The following UGT8 variants were observed in gnomAD, a reference collection of about 807,000 sequenced individuals.
The protein encoded by UGT8 is UDP glycosyltransferase 8.
In UGT8, 12 loss-of-function variants were observed where a neutral mutation model predicts 40.5. That is an observed-to-expected ratio of 0.30 (90% CI 0.19 to 0.48). UGT8 has a LOEUF of 0.48. UGT8 is among the 20% of genes least tolerant of loss of function. The pLI is 0.99. For synonymous variants in UGT8, 224 were observed against 240.4 expected (o/e 0.93, Z 0.63); for missense variants, 513 against 648.7 (o/e 0.79, Z 2.27).
At chr4:114,631,554 T>A (rs1402736248) in intron 2 of UGT8, among the ~76,000 whole-genome samples, 1 of 152,218 alleles carries the variant, frequency 6.6e-6, no homozygotes, top group Non-Finnish European at 1.5e-5. Context: ...CAGTATTGTA[T>A]TCTCTTTCAG....
chr4:114,636,631 TA>T (rs1447514828), intron 2 of UGT8, among the ~76,000 whole-genome samples: 1 of 152,228 alleles, frequency 6.6e-6, no homozygotes, highest in African/African-American at 2.4e-5. Context: ...TTATCAAAAT[TA>T]AGTTTCTATT....
At chr4:114,624,046 A>G (rs910235355) in intron 2 of UGT8, among the ~76,000 whole-genome samples, 5 of 152,224 alleles carry the variant, frequency 3.3e-5, no homozygotes, top group African/African-American at 7.2e-5. Context: ...ATCTTTAATT[A>G]CACACAGAAT....
intron 1 of UGT8, among the ~76,000 whole-genome samples, chr4:114,599,822 A>G (rs1258441798): frequency 1.3e-5 from 2 of 152,174 alleles, no homozygotes; most frequent in Non-Finnish European, 2.9e-5. Flanking sequence ...GGCAAACCGC[A>G]TCGGAGAGTG....
At chr4:114,611,425 TATATATATATATATATATATAC>T (rs1560667798) in intron 1 of UGT8, among the ~76,000 whole-genome samples, 5 of 35,452 alleles carry the variant, frequency 1.4e-4, no homozygotes, top group African/African-American at 2.8e-4. Context: ...TATATATATA[TATATATATATATATATATATAC>T]ACACACACAC....
chr4:114,630,233 C>A (rs1732485047), intron 2 of UGT8, among the ~76,000 whole-genome samples: 1 of 152,140 alleles, frequency 6.6e-6, no homozygotes, highest in African/African-American at 2.4e-5. Flanking sequence ...AGGTATTGTT[C>A]CTTGTACAAA....
intron 2 of UGT8, among the ~76,000 whole-genome samples, chr4:114,635,485 G>C (rs569879632): frequency 6.6e-6 from 1 of 151,998 alleles, no homozygotes; most frequent in African/African-American, 2.4e-5. Flanking sequence ...ATCTTAAAGA[G>C]AATTTTGAAA....
chr4:114,659,753 A>G (rs1197037620), intron 2 of UGT8, among the ~76,000 whole-genome samples: 1 of 152,230 alleles, frequency 6.6e-6, no homozygotes, highest in African/African-American at 2.4e-5. Flanking sequence ...TTGATGAGTT[A>G]CCAAAAAAGA....
intron 1 of UGT8, among the ~76,000 whole-genome samples, chr4:114,615,227 T>C (rs1224264598): frequency 1.3e-5 from 2 of 152,126 alleles, no homozygotes; most frequent in Non-Finnish European, 2.9e-5. Context: ...CTCAGTCTTA[T>C]TATCTGTAAA....
At chr4:114,631,198 C>A (rs1732548622) in intron 2 of UGT8, among the ~76,000 whole-genome samples, 1 of 152,056 alleles carries the variant, frequency 6.6e-6, no homozygotes, top group African/African-American at 2.4e-5. Flanking sequence ...AAGTAATATC[C>A]CAGCAGGGCT....
At chr4:114,600,577 T>C (rs1578392966) in intron 1 of UGT8, among the ~76,000 whole-genome samples, 1 of 152,294 alleles carries the variant, frequency 6.6e-6, no homozygotes, top group South Asian at 2.1e-4. Context: ...TAAACACATG[T>C]CACAGGGGTT....
chr4:114,648,931 G>A (rs571175184), intron 2 of UGT8, among the ~76,000 whole-genome samples: 2 of 152,230 alleles, frequency 1.3e-5, no homozygotes, highest in East Asian at 3.9e-4. Context: ...TAATATTTTA[G>A]GATGGAGGGC....
chr4:114,650,684 T>G (rs1733846126), intron 2 of UGT8, among the ~76,000 whole-genome samples: 1 of 152,154 alleles, frequency 6.6e-6, no homozygotes, highest in Non-Finnish European at 1.5e-5. Context: ...TTTAATCTAT[T>G]TTGTGGCATA....
intron 5 of UGT8, among the ~76,000 whole-genome samples, chr4:114,672,740 C>A (rs1367175223): frequency 6.6e-6 from 1 of 152,124 alleles, no homozygotes; most frequent in African/African-American, 2.4e-5. Context: ...ACATGTATAC[C>A]TATGTAACAA....
chr4:114,634,068 T>C (rs1011482988), intron 2 of UGT8, among the ~76,000 whole-genome samples: 2 of 151,922 alleles, frequency 1.3e-5, no homozygotes, highest in African/African-American at 2.4e-5. Flanking sequence ...GCTGCAGAGA[T>C]GGTGAGAAGT....
At chr4:114,629,108 G>A (rs947821901) in intron 2 of UGT8, among the ~76,000 whole-genome samples, 1 of 152,064 alleles carries the variant, frequency 6.6e-6, no homozygotes, top group Non-Finnish European at 1.5e-5. Context: ...ATCCAGGGTT[G>A]CAGCAGATGT....
At chr4:114,670,184 G>A (rs551376745) in intron 5 of UGT8, among the ~76,000 whole-genome samples, 29 of 151,942 alleles carry the variant, frequency 1.9e-4, no homozygotes, top group Admixed American at 4.6e-4. Context: ...CTGGCAAACC[G>A]AATCCAGCAG....
intron 1 of UGT8, among the ~76,000 whole-genome samples, chr4:114,615,129 T>C: frequency 6.6e-6 from 1 of 152,170 alleles, no homozygotes; most frequent in East Asian, 1.9e-4. Context: ...ACAACTTTTT[T>C]TAAGCTTTCT....
rs749033096 is a variant in UGT8 at position 114,676,128 on chromosome 4, A to G, written c.1466A>G (p.Tyr489Cys). 2.5e-6 allele frequency: 4 copies of G among 1,614,158 alleles called. No individual in the cohort carries two copies. In the South Asian group the frequency reaches 4.4e-5, roughly 18 times the overall value. Residue 489 changes from tyrosine to cysteine, a missense_variant, in exon 6 of 6, where the codon TAC becomes TGC. By Grantham distance (194) the Tyr-to-Cys change is radical (BLOSUM62 -2). Around this residue, in one of 3 missense-constraint regions of UGT8, gnomAD observed 175 missense variants for 186.7 expected, o/e 0.94. Coordinates refer to ENST00000310836, the MANE Select transcript of UGT8 (RefSeq NM_001128174.3). ...FVLLLGAALL[Y>C]FLLSWVTKFI... ...CTTTTGCTTGGTGCTGCCTTGTTAT[A>G]CTTTCTCTTGTCTTGGGTGACAAAA...
At position 114,676,882 on chromosome 4, in the gene UGT8, A is replaced by G. The variant is rs1244673935; in HGVS notation, c.*594A>G. 6.6e-6 allele frequency: 1 copy of G among 150,510 alleles called. No homozygotes were observed. Among genetic ancestry groups the G allele is most frequent in the Non-Finnish European group, 1.5e-5 (1 of 67,620 alleles). 9.3% of individuals were successfully genotyped at this position (150,510 alleles called of 1,614,324 possible). On this transcript the variant is annotated 3_prime_UTR_variant, in exon 6 of 6. Coordinates refer to ENST00000310836, the MANE Select transcript of UGT8 (RefSeq NM_001128174.3). ...GGAAGAAAAAAAAAAAAGAAATGGC[A>G]CAGTTTTTTGTATTTTTTTTTTTAG...
Sources: gnomAD v4.1 joint callset for allele counts (sites outside exome capture counted in the v4.1 genomes callset) on GRCh38, gnomAD v4.1.1 for gene constraint, gnomAD v4.1.1 regional missense constraint, MANE v1.5 for transcripts, NCBI Gene and HGNC (gene_info 2026-07-23, HGNC 2026-07-21) for gene names.